The following CNTNAP2 variants were observed in gnomAD, a reference collection of about 807,000 sequenced individuals.
CNTNAP2 encodes contactin associated protein 2.
CNTNAP2 carries 98 observed loss-of-function variants against 155.2 expected under a neutral mutation model. The observed-to-expected ratio is 0.63, with a 90% CI of 0.54 to 0.75. CNTNAP2 has a LOEUF of 0.75. Ranked by LOEUF, CNTNAP2 falls within the 30% of genes least tolerant of loss-of-function variation. The probability of loss-of-function intolerance (pLI) is 0.00; values close to 1 mark genes in which losing one functional copy is unlikely to be tolerated. For missense variants in CNTNAP2, 1,727 were observed against 1,688.1 expected (o/e 1.02, Z -0.40); for synonymous variants, 651 against 631.2 (o/e 1.03, Z -0.47).
At chr7:147,252,932 C>G (rs1253040861) in intron 8 of CNTNAP2, among the ~76,000 whole-genome samples, 1 of 152,162 alleles carries the variant, frequency 6.6e-6, no homozygotes, top group Non-Finnish European at 1.5e-5. Flanking sequence ...GAGGCTGGAT[C>G]TGAACTCAGG....
At chr7:147,562,607 C>T (rs1354234909) in intron 12 of CNTNAP2, among the ~76,000 whole-genome samples, 3 of 152,204 alleles carry the variant, frequency 2.0e-5, no homozygotes, top group South Asian at 2.1e-4. Context: ...AATATTCTCA[C>T]TGTGCATGCT....
At chr7:148,231,071 T>A (rs780925321) in intron 20 of CNTNAP2, among the ~76,000 whole-genome samples, 2 of 152,218 alleles carry the variant, frequency 1.3e-5, no homozygotes, top group Non-Finnish European at 2.9e-5. Context: ...CTTGCCATTT[T>A]ACCATTGCGA....
rs534748012 is a variant in CNTNAP2 at position 146,905,705 on chromosome 7, G to A, written c.402+65801G>A. On this transcript the variant is annotated intron_variant, in intron 3 of 23. Coordinates refer to ENST00000361727, the MANE Select transcript of CNTNAP2 (RefSeq NM_014141.6). The stretch of plus-strand genomic sequence containing the variant: ...CATGGGACCTCAGTGGGCAATGAGT[G>A]ATAAGCCAGTGGGTGTTACTGTATT... Among the ~76,000 whole-genome samples the A allele has an allele frequency of 2.0e-5, 3 of 152,312 alleles. No individual in the cohort carries two copies. The East Asian group carries it at 5.8e-4, about 29-fold the overall frequency.
chr7:146,443,103 A>T (rs1796349304), intron 1 of CNTNAP2, among the ~76,000 whole-genome samples: 1 of 151,858 alleles, frequency 6.6e-6, no homozygotes, highest in Admixed American at 6.6e-5. Flanking sequence ...AGTCCCAGCT[A>T]CTAGGGAGGC....
intron 8 of CNTNAP2, among the ~76,000 whole-genome samples, chr7:147,267,486 C>G (rs998091224): frequency 6.6e-6 from 1 of 152,148 alleles, no homozygotes; most frequent in Non-Finnish European, 1.5e-5. Flanking sequence ...CATCCTTCCT[C>G]TCTCTGATGT....
At chr7:148,321,977 C>G (rs1396682578) in intron 21 of CNTNAP2, among the ~76,000 whole-genome samples, 1 of 151,310 alleles carries the variant, frequency 6.6e-6, no homozygotes, top group Non-Finnish European at 1.5e-5. Flanking sequence ...GATCTCAGCT[C>G]ACTGCAACCT....
At chr7:148,019,119 A>G (rs1158640985) in intron 15 of CNTNAP2, among the ~76,000 whole-genome samples, 1 of 152,180 alleles carries the variant, frequency 6.6e-6, no homozygotes, top group Non-Finnish European at 1.5e-5. Flanking sequence ...ACACCTAGCA[A>G]TGCATCTGTT....
chr7:148,334,214 C>T (rs1221542902), intron 21 of CNTNAP2, among the ~76,000 whole-genome samples: 1 of 152,074 alleles, frequency 6.6e-6, no homozygotes, highest in Non-Finnish European at 1.5e-5. Flanking sequence ...ATGTCTGGGG[C>T]TAGGAAGGTT....
intron 2 of CNTNAP2, among the ~76,000 whole-genome samples, chr7:146,815,599 G>C (rs957050291): frequency 2.0e-5 from 3 of 151,872 alleles, no homozygotes; most frequent in African/African-American, 7.3e-5. Flanking sequence ...TTTTTTAATT[G>C]GGTAGAATAT....
intron 17 of CNTNAP2, among the ~76,000 whole-genome samples, chr7:148,154,043 G>A (rs181734059): frequency 4.0e-4 from 61 of 152,346 alleles, no homozygotes; most frequent in Admixed American, 2.9e-3. Flanking sequence ...CTTAACTCAT[G>A]ACAAATGTCC....
intron 1 of CNTNAP2, among the ~76,000 whole-genome samples, chr7:146,537,857 C>G (rs1275900934): frequency 6.6e-6 from 1 of 152,076 alleles, no homozygotes; most frequent in East Asian, 1.9e-4. Flanking sequence ...GGGGAGAGAG[C>G]AGGCATAGAG....
At chr7:148,368,651 G>A (rs912026182) in intron 21 of CNTNAP2, among the ~76,000 whole-genome samples, 12 of 152,178 alleles carry the variant, frequency 7.9e-5, no homozygotes, top group African/African-American at 2.9e-4. Flanking sequence ...ATTCAGCCGG[G>A]AGCATCGGCA....
chr7:146,843,753 G>C (rs1349351116), intron 3 of CNTNAP2, among the ~76,000 whole-genome samples: 3 of 151,880 alleles, frequency 2.0e-5, no homozygotes, highest in Non-Finnish European at 2.9e-5. Context: ...AGTACTCTTG[G>C]GGATTAAGTT....
intron 1 of CNTNAP2, among the ~76,000 whole-genome samples, chr7:146,174,563 C>T (rs948562551): frequency 2.0e-5 from 3 of 152,076 alleles, no homozygotes; most frequent in East Asian, 2.0e-4. Flanking sequence ...ATAGGCTGGG[C>T]GTGGTGGCTC....
At chr7:147,355,972 G>C (rs1226673337) in intron 9 of CNTNAP2, among the ~76,000 whole-genome samples, 1 of 152,052 alleles carries the variant, frequency 6.6e-6, no homozygotes, top group Non-Finnish European at 1.5e-5. Flanking sequence ...ACCTGGCAGA[G>C]ACACAATAAG....
chr7:147,237,364 T>TGCCTA (rs1375731218), intron 8 of CNTNAP2, among the ~76,000 whole-genome samples: 1 of 152,124 alleles, frequency 6.6e-6, no homozygotes, highest in Non-Finnish European at 1.5e-5. Flanking sequence ...TGAGCCACTG[T>TGCCTA]GCCTAGCCTA....
intron 13 of CNTNAP2, among the ~76,000 whole-genome samples, chr7:147,895,202 G>A (rs2116737117): frequency 6.6e-6 from 1 of 151,456 alleles, no homozygotes; most frequent in South Asian, 2.1e-4. Context: ...TTGAACCCCT[G>A]ACCTCAGGTG....
intron 8 of CNTNAP2, among the ~76,000 whole-genome samples, chr7:147,183,448 C>G (rs1263403171): frequency 2.0e-5 from 3 of 152,016 alleles, no homozygotes; most frequent in African/African-American, 7.2e-5. Context: ...TCCTTTACAC[C>G]ATCTCGTCCA....
intron 10 of CNTNAP2, among the ~76,000 whole-genome samples, chr7:147,453,901 C>T (rs555678652): frequency 2.6e-5 from 4 of 152,186 alleles, no homozygotes; most frequent in Admixed American, 2.0e-4. Flanking sequence ...ATTCTTCCCA[C>T]GTATCTATAT....
Sources: gnomAD v4.1 joint callset for allele counts (sites outside exome capture counted in the v4.1 genomes callset) on GRCh38, gnomAD v4.1.1 for gene constraint, MANE v1.5 for transcripts, NCBI Gene and HGNC (gene_info 2026-07-23, HGNC 2026-07-21) for gene names.